EPG5: variants seen among roughly 807,000 people sequenced by gnomAD.
EPG5 encodes ectopic P granules protein 5 homolog.
A neutral mutation model predicts 302.7 loss-of-function variants in EPG5; 159 were observed. The ratio of observed to expected loss-of-function variants is 0.53; its 90% confidence interval spans 0.46 to 0.60. The LOEUF is 0.60. Among genes scored for constraint, EPG5 ranks in the 20% least tolerant of loss-of-function variants. The pLI is 0.00. For missense variants in EPG5, 2,896 were observed against 3,092.4 expected (o/e 0.94, Z 1.51); for synonymous variants, 1,158 against 1,136.8 (o/e 1.02, Z -0.37).
At chr18:45,878,306 T>C (rs1051597924) in intron 34 of EPG5, 70 bp downstream of exon 34, 1 of 1,049,268 alleles carries the variant, frequency 9.5e-7, no homozygotes, top group Non-Finnish European at 1.5e-6. Context: ...TCATCACTTC[T>C]ACCAAATACC....
the EPG5 span, among the ~76,000 whole-genome samples, chr18:45,800,744 G>T: frequency 6.6e-6 from 1 of 152,126 alleles, no homozygotes; most frequent in African/African-American, 2.4e-5. Context: ...AGGCCACCCA[G>T]GGGAATCACA....
At position 45,855,586 on chromosome 18, in the gene EPG5, G is replaced by A. The variant is rs770649730; in HGVS notation, c.7544C>T (p.Pro2515Leu). ...LRPGSELHLTPKAQQALNALE... is the reference protein window; with the variant it reads ...LRPGSELHLTLKAQQALNALE... ...GTATATACTGACCTGCTGAGCTTTG[G>A]GGGTCAGATGTAATTCAGAGCCAGG... Residue 2515 changes from proline (P) to leucine (L), a missense_variant, in exon 43 of 44, where the codon CCC becomes CTC. Physicochemically the swap from Pro to Leu is moderately conservative, Grantham distance 98 (BLOSUM62 -3). Coordinates refer to ENST00000282041, the MANE Select transcript of EPG5 (RefSeq NM_020964.3). The A allele has an allele frequency of 6.2e-7, 1 of 1,613,638 alleles. No homozygotes were observed. Among genetic ancestry groups the A allele is most frequent in the Non-Finnish European group, 8.5e-7 (1 of 1,179,614 alleles).
At chr18:45,890,246 C>T (rs2049312072) in intron 27 of EPG5, 2 of 210,086 alleles carry the variant, frequency 9.5e-6, no homozygotes, top group Non-Finnish European at 1.9e-5. Flanking sequence ...GGCTCCCCAG[C>T]CGTAGCCCTT....
the EPG5 span, among the ~76,000 whole-genome samples, chr18:45,803,684 A>T: frequency 6.6e-6 from 1 of 152,132 alleles, no homozygotes; most frequent in African/African-American, 2.4e-5. Flanking sequence ...TGACCCCCAA[A>T]CACCCATGTA....
the EPG5 span, among the ~76,000 whole-genome samples, chr18:45,822,645 C>A: frequency 6.6e-6 from 1 of 152,138 alleles, no homozygotes; most frequent in African/African-American, 2.4e-5. Context: ...CAAAAAATCA[C>A]TATGTACCCC....
chr18:45,824,064 G>T, the EPG5 span, among the ~76,000 whole-genome samples: 1 of 152,192 alleles, frequency 6.6e-6, no homozygotes, highest in African/African-American at 2.4e-5. Context: ...GATGAAAATG[G>T]GTTGGGAAGA....
rs985085549 is a variant in EPG5, at chr18:45,851,475, A to C, written c.*992T>G. On this transcript the variant is annotated 3_prime_UTR_variant, in exon 44 of 44. Transcript: ENST00000282041. ...TCTCCCGACCTGACCCAGTTTCCAC[A>C]GACAAGTGTTTCAGCAGGTCCATTG... 1 of 152,240 alleles carries C rather than the reference A, an allele frequency of 6.6e-6. No homozygotes were observed. The highest frequency in any genetic ancestry group is 6.5e-5 in the Admixed American group (1 of 15,286). The allele number at this position is 152,240 out of a possible 1,614,324, so 9.4% of individuals were successfully genotyped here.
chr18:45,814,013 G>C, the EPG5 span, among the ~76,000 whole-genome samples: 1 of 152,114 alleles, frequency 6.6e-6, no homozygotes, highest in African/African-American at 2.4e-5. Flanking sequence ...AATTTGAAAT[G>C]GGAGAGGTTA....
Position 45,849,769 on chromosome 18 carries a change from G to A in EPG5, c.*2698C>T, listed in dbSNP as rs781670315. On this transcript the variant is annotated 3_prime_UTR_variant, in exon 44 of 44. Transcript: ENST00000282041. ...TGTCTGAGCCAACAAAGGATGGTGA[G>A]ACTGAGAAATGAGTCACGCCTTGGA... is the stretch of plus-strand genomic sequence containing the variant. The A allele has an allele frequency of 6.6e-6, 1 of 152,340 alleles. No individual in the cohort carries two copies. Among genetic ancestry groups the A allele is most frequent in the African/African-American group, 2.4e-5 (1 of 41,470 alleles). 9.4% of individuals were successfully genotyped at this position (152,340 alleles called of 1,614,324 possible).
chr18:45,884,240 C>T (rs148037047), intron 30 of EPG5, among the ~76,000 whole-genome samples: 572 of 152,226 alleles, frequency 3.8e-3, no homozygotes, highest in African/African-American at 0.013. Context: ...CATAGAAGTG[C>T]GAACCCTATT....
intron 23 of EPG5, among the ~76,000 whole-genome samples, 177 bp from the exon 24 acceptor site, chr18:45,908,258 A>C (rs1016315121): frequency 2.6e-5 from 4 of 152,194 alleles, no homozygotes; most frequent in Non-Finnish European, 4.4e-5. Context: ...CAGGGGAGGC[A>C]CGTCACAGAT....
In EPG5 at chr18:45,858,792, T is replaced by C. The variant is rs1328392839; in HGVS notation, c.7010-10A>G. 6.3e-6 allele frequency: 10 copies of C among 1,590,686 alleles called. No homozygotes were observed. The highest frequency in any genetic ancestry group is 8.6e-6 in the Non-Finnish European group (10 of 1,158,918). ...TTCTGATTGAGAGGGCCTAAGAACATGAAGAAGAGACATCAAGATATAGGC... is the reference window on the plus strand; with the variant it reads ...TTCTGATTGAGAGGGCCTAAGAACACGAAGAAGAGACATCAAGATATAGGC... On this transcript the variant is annotated splice_polypyrimidine_tract_variant and intron_variant, in intron 40 of 43. Transcript: ENST00000282041.
chr18:45,834,112 C>T, the EPG5 span, among the ~76,000 whole-genome samples: 13 of 152,296 alleles, frequency 8.5e-5, no homozygotes, highest in African/African-American at 2.9e-4. Context: ...CTCAAGGCTT[C>T]GTGCAGTCCC....
the EPG5 span, among the ~76,000 whole-genome samples, chr18:45,822,065 A>G: frequency 1.3e-5 from 2 of 152,226 alleles, no homozygotes; most frequent in Non-Finnish European, 2.9e-5. Context: ...ATCCAAAGAA[A>G]AGAAACTCAG....
chr18:45,965,039 G>A (rs2051220046), intron 1 of EPG5, among the ~76,000 whole-genome samples: 1 of 152,110 alleles, frequency 6.6e-6, no homozygotes, highest in East Asian at 1.9e-4. Flanking sequence ...ATACACCAAT[G>A]TGTCTAACTC....
Position 45,952,551 on chromosome 18 carries a change from T to G in EPG5, c.1101A>C (p.Leu367=), listed in dbSNP as rs1331180237. The G allele has an allele frequency of 2.5e-6, 4 of 1,614,174 alleles. No homozygotes were observed. The highest frequency in any genetic ancestry group is 3.4e-6 in the Non-Finnish European group (4 of 1,180,024). ...GGAGGTGCTCAGATTTGGCATCGAATAGCTTCTTTAGCTCCACCAGTGCAT... is the reference window on the plus strand; with the variant it reads ...GGAGGTGCTCAGATTTGGCATCGAAGAGCTTCTTTAGCTCCACCAGTGCAT... ...NENALVELKK[L]FDAKSEHLHQ... Residue 367 remains leucine (L), a synonymous_variant, in exon 3 of 44, where the codon CTA becomes CTC. Coordinates refer to ENST00000282041, the MANE Select transcript of EPG5 (RefSeq NM_020964.3).
intron 1 of EPG5, among the ~76,000 whole-genome samples, chr18:45,962,151 T>C (rs2051163125): frequency 6.6e-6 from 1 of 152,178 alleles, no homozygotes; most frequent in Admixed American, 6.5e-5. Flanking sequence ...AATAAATGAA[T>C]GGCTTTTAGG....
Position 45,903,931 on chromosome 18 carries a change from T to G in EPG5, c.4474+42A>C, listed in dbSNP as rs190437195. On this transcript the variant is annotated intron_variant, in intron 25 of 43. Transcript: ENST00000282041. ...ACCCTCAATGGCTCTGATTCAATCA[T>G]TCATTCACTCATTCGAAGGGGCAGG... 7.9e-5 allele frequency: 124 copies of G among 1,571,400 alleles called. 1 individual carries two copies. In the East Asian group the frequency reaches 2.6e-3, roughly 34 times the overall value.
chr18:45,862,006 T>G (rs2048646127), intron 39 of EPG5, among the ~76,000 whole-genome samples: 2 of 152,202 alleles, frequency 1.3e-5, no homozygotes, highest in Admixed American at 1.3e-4. Flanking sequence ...TTTTCCCTGT[T>G]TTAGCTTGAA....
Sources: gnomAD v4.1 joint callset for allele counts (sites outside exome capture counted in the v4.1 genomes callset) on GRCh38, gnomAD v4.1.1 for gene constraint, MANE v1.5 for transcripts, NCBI Gene and HGNC (gene_info 2026-07-23, HGNC 2026-07-21) for gene names.